Variants in EPHA6 observed in about 807,000 individuals in gnomAD.
EPHA6 encodes EPH receptor A6, also known as ephrin type-A receptor 6.
Under a neutral mutation model 112.0 loss-of-function variants are expected in EPHA6, and 50 were observed. The observed-to-expected ratio is 0.45, with a 90% CI of 0.36 to 0.56. The LOEUF (loss-of-function observed/expected upper bound fraction) is 0.56, where lower values mean the gene tolerates loss of function less well. Ranked by LOEUF, EPHA6 falls within the 20% of genes least tolerant of loss-of-function variation. The pLI is 0.00. For missense variants in EPHA6, 1,280 were observed against 1,417.4 expected, an observed-to-expected ratio of 0.90 and a Z score of 1.56; for synonymous variants, 529 against 490.7, an observed-to-expected ratio of 1.08 and a Z score of -1.03.
intron 11 of EPHA6, among the ~76,000 whole-genome samples, chr3:97,540,801 A>G (rs2092838242): frequency 6.6e-6 from 1 of 152,232 alleles, no homozygotes; most frequent in Non-Finnish European, 1.5e-5. Context: ...AATTGAATAA[A>G]GCCATCTAAA....
chr3:97,542,491 T>A (rs1189955268), intron 11 of EPHA6, among the ~76,000 whole-genome samples: 1 of 152,184 alleles, frequency 6.6e-6, no homozygotes, highest in Non-Finnish European at 1.5e-5. Flanking sequence ...ATCCAGTCTA[T>A]CATTGTTGGA....
At chr3:97,133,764 G>A (rs1042064773) in intron 3 of EPHA6, among the ~76,000 whole-genome samples, 12 of 151,962 alleles carry the variant, frequency 7.9e-5, no homozygotes, top group Admixed American at 5.9e-4. Flanking sequence ...AGTACAAAAT[G>A]ATGAGAATAT....
At chr3:97,393,929 G>A (rs2086560978) in intron 5 of EPHA6, among the ~76,000 whole-genome samples, 1 of 151,748 alleles carries the variant, frequency 6.6e-6, no homozygotes, top group South Asian at 2.1e-4. Context: ...GGTGAGTAGT[G>A]TATCATTGTG....
At chr3:97,428,947 G>C (rs944348322) in intron 6 of EPHA6, among the ~76,000 whole-genome samples, 1 of 152,114 alleles carries the variant, frequency 6.6e-6, no homozygotes, top group African/African-American at 2.4e-5. Flanking sequence ...CAGGCATCGG[G>C]CCTGTATTAT....
intron 3 of EPHA6, among the ~76,000 whole-genome samples, chr3:97,011,279 G>C (rs2044076005): frequency 6.6e-6 from 1 of 152,178 alleles, no homozygotes; most frequent in Non-Finnish European, 1.5e-5. Flanking sequence ...CTGCTAGTTT[G>C]AGTAACAGAC....
intron 14 of EPHA6, among the ~76,000 whole-genome samples, chr3:97,689,465 G>C (rs796565984): frequency 3.3e-5 from 5 of 152,222 alleles, no homozygotes; most frequent in African/African-American, 1.2e-4. Flanking sequence ...GGCGGGGTGG[G>C]CTTGCCTGTA....
intron 14 of EPHA6, among the ~76,000 whole-genome samples, chr3:97,688,245 C>A (rs980155689): frequency 6.6e-6 from 1 of 152,004 alleles, no homozygotes; most frequent in Non-Finnish European, 1.5e-5. Flanking sequence ...TATATTTCTT[C>A]TGTTATTTGG....
At chr3:97,231,522 T>C (rs573381068) in intron 4 of EPHA6, among the ~76,000 whole-genome samples, 1 of 152,274 alleles carries the variant, frequency 6.6e-6, no homozygotes, top group South Asian at 2.1e-4. Context: ...TGAGGGGGCA[T>C]ATAAAACATG....
intron 17 of EPHA6, among the ~76,000 whole-genome samples, 197 bp from the exon 18 acceptor site, chr3:97,748,390 T>C (rs1382540906): frequency 6.6e-6 from 1 of 152,144 alleles, no homozygotes; most frequent in Non-Finnish European, 1.5e-5. Context: ...CTTTTGCTGC[T>C]CATTTAAATC....
At chr3:96,993,453 T>C (rs1035365396) in intron 3 of EPHA6, among the ~76,000 whole-genome samples, 2 of 152,078 alleles carry the variant, frequency 1.3e-5, no homozygotes, top group Non-Finnish European at 2.9e-5. Flanking sequence ...CAGGATAGTC[T>C]CAATCTCCTG....
At chr3:97,460,918 G>A (rs1393385814) in intron 7 of EPHA6, among the ~76,000 whole-genome samples, 6 of 152,122 alleles carry the variant, frequency 3.9e-5, no homozygotes, top group African/African-American at 1.4e-4. Context: ...TGCAGAATCT[G>A]TGTCCCAGTA....
chr3:97,500,355 C>T (rs2092086983), intron 10 of EPHA6, among the ~76,000 whole-genome samples: 1 of 152,054 alleles, frequency 6.6e-6, no homozygotes, highest in South Asian at 2.1e-4. Context: ...GATGCTGACA[C>T]CTGCTCAGCT....
chr3:97,132,058 C>A (rs1303604436), intron 3 of EPHA6, among the ~76,000 whole-genome samples: 1 of 151,976 alleles, frequency 6.6e-6, no homozygotes, highest in Non-Finnish European at 1.5e-5. Context: ...GTGTGAAAAA[C>A]CTGTGAATAT....
chr3:96,815,002 A>C lies in EPHA6; in HGVS notation c.379A>C (p.Asn127His), dbSNP rs200313366. The C allele has an allele frequency of 4.4e-4, 667 of 1,516,732 alleles. No individual in the cohort carries two copies. The highest frequency in any genetic ancestry group is 5.2e-4 in the Non-Finnish European group (587 of 1,125,788). 94.0% of individuals were successfully genotyped at this position (1,516,732 alleles called of 1,614,324 possible). A position where few individuals can be genotyped will look rare whatever the true frequency, so the allele number is the denominator to read the frequency against. Residue 127 changes from asparagine to histidine, a missense_variant, in exon 1 of 18, where the codon AAC becomes CAC. Physicochemically the swap from Asn to His is moderately conservative, Grantham distance 68. This residue lies in a region of EPHA6 where 220 missense variants were observed against 171.5 expected (regional missense o/e 1.28). Coordinates refer to ENST00000389672, the MANE Select transcript of EPHA6 (RefSeq NM_001080448.3). ...WPGDCSHVSN[N>H]QVVLLDTTTV... ...AGGCGACTGCAGTCACGTCTCCAAC[A>C]ACCAAGGTAAGGGACGGGGCGGAGG...
At chr3:97,336,561 T>C (rs1200507529) in intron 5 of EPHA6, among the ~76,000 whole-genome samples, 5 of 152,212 alleles carry the variant, frequency 3.3e-5, no homozygotes, top group Non-Finnish European at 7.3e-5. Flanking sequence ...ATAGGACTTA[T>C]GTATGCCTAT....
chr3:96,936,437 A>G (rs2040585663), intron 2 of EPHA6, among the ~76,000 whole-genome samples: 1 of 152,034 alleles, frequency 6.6e-6, no homozygotes, highest in African/African-American at 2.4e-5. Context: ...ATGATAGAGT[A>G]TGAAGTTAAA....
intron 5 of EPHA6, among the ~76,000 whole-genome samples, chr3:97,343,987 A>T (rs2083427884): frequency 6.6e-6 from 1 of 152,142 alleles, no homozygotes; most frequent in Admixed American, 6.5e-5. Context: ...TAACTTCCCT[A>T]GTCTCCTATT....
At chr3:97,329,423 A>C (rs1019639501) in intron 5 of EPHA6, among the ~76,000 whole-genome samples, 28 of 150,590 alleles carry the variant, frequency 1.9e-4, no homozygotes, top group Non-Finnish European at 2.2e-4. Flanking sequence ...ACTAGTTTAC[A>C]GTCCCACCAA....
intron 1 of EPHA6, among the ~76,000 whole-genome samples, chr3:96,817,423 A>T (rs1051667856): frequency 6.6e-6 from 1 of 151,890 alleles, no homozygotes; most frequent in African/African-American, 2.4e-5. Flanking sequence ...GGAAAATGGG[A>T]CATTATAGAA....
Sources: allele counts gnomAD v4.1 joint callset (sites outside exome capture counted in the v4.1 genomes callset), GRCh38; gene constraint gnomAD v4.1.1; regional missense constraint gnomAD v4.1.1; transcripts MANE v1.5; gene names NCBI Gene and HGNC (gene_info 2026-07-23, HGNC 2026-07-21).